GALNTL6: variants seen among roughly 807,000 people sequenced by gnomAD.
GALNTL6 encodes the protein polypeptide N-acetylgalactosaminyltransferase-like 6.
Under a neutral mutation model 73.7 loss-of-function variants are expected in GALNTL6, and 46 were observed. The observed-to-expected ratio is 0.62, with a 90% CI of 0.49 to 0.80. The LOEUF is 0.80. Ranked by LOEUF, GALNTL6 falls within the 30% of genes least tolerant of loss-of-function variation. The pLI is 0.00. For missense variants in GALNTL6, 604 were observed against 755.0 expected (o/e 0.80, Z 2.34); for synonymous variants, 259 against 263.7 (o/e 0.98, Z 0.17).
intron 8 of GALNTL6, among the ~76,000 whole-genome samples, chr4:172,918,249 G>A (rs1480456917): frequency 2.0e-5 from 3 of 151,982 alleles, no homozygotes; most frequent in Non-Finnish European, 2.9e-5. Context: ...TGGGGTGGGG[G>A]GAGGCAAGGG....
intron 5 of GALNTL6, among the ~76,000 whole-genome samples, chr4:172,724,784 G>C (rs777095258): frequency 2.0e-5 from 3 of 152,134 alleles, no homozygotes; most frequent in Non-Finnish European, 4.4e-5. Context: ...AAATGATTCA[G>C]AAACCTGAGA....
chr4:172,895,047 T>C (rs1257056327), intron 8 of GALNTL6, among the ~76,000 whole-genome samples: 1 of 151,766 alleles, frequency 6.6e-6, no homozygotes, highest in East Asian at 1.9e-4. Flanking sequence ...TGGAATAAAT[T>C]TTTTTCATCC....
chr4:172,700,317 A>C (rs1246938661), intron 5 of GALNTL6, among the ~76,000 whole-genome samples: 1 of 152,188 alleles, frequency 6.6e-6, no homozygotes, highest in Non-Finnish European at 1.5e-5. Flanking sequence ...AGATCTCAAC[A>C]AGACAATCTA....
At chr4:172,775,743 G>T (rs1041589680) in intron 5 of GALNTL6, among the ~76,000 whole-genome samples, 4 of 152,064 alleles carry the variant, frequency 2.6e-5, no homozygotes, top group African/African-American at 7.2e-5. Flanking sequence ...AATAGACTAT[G>T]GCAAAGGTGA....
intron 2 of GALNTL6, among the ~76,000 whole-genome samples, chr4:172,112,218 G>A (rs532204286): frequency 1.3e-5 from 2 of 152,004 alleles, no homozygotes; most frequent in East Asian, 3.9e-4. Context: ...ATCTTTTCAT[G>A]GCTTGATAGC....
intron 5 of GALNTL6, among the ~76,000 whole-genome samples, chr4:172,576,333 A>G (rs1736955926): frequency 6.6e-6 from 1 of 152,188 alleles, no homozygotes; most frequent in South Asian, 2.1e-4. Flanking sequence ...CACATTTTAT[A>G]TGTGCTATGA....
chr4:172,800,958 A>G (rs1037965065), intron 5 of GALNTL6, among the ~76,000 whole-genome samples: 2 of 152,182 alleles, frequency 1.3e-5, no homozygotes, highest in Non-Finnish European at 2.9e-5. Flanking sequence ...AATTCTACTC[A>G]GATTACTTCA....
intron 2 of GALNTL6, among the ~76,000 whole-genome samples, chr4:171,973,316 A>G (rs1739625639): frequency 6.6e-6 from 1 of 152,222 alleles, no homozygotes; most frequent in African/African-American, 2.4e-5. Flanking sequence ...GAAGGCCCAA[A>G]ACAATAGAAA....
chr4:172,019,885 C>T (rs1210342618), intron 2 of GALNTL6, among the ~76,000 whole-genome samples: 2 of 152,116 alleles, frequency 1.3e-5, no homozygotes, highest in Non-Finnish European at 2.9e-5. Flanking sequence ...TTCCTCAGCA[C>T]ATGGATCATT....
In GALNTL6 at chr4:172,044,210, G is replaced by A. The variant is rs1742158656; in HGVS notation, c.139-185446G>A. ...ACTCAGTCGCCTAAAATTCCTTCTG[G>A]GCACTTCCTATTAATACAAAGTCAC... On this transcript the variant is annotated intron_variant, in intron 2 of 12. Transcript: ENST00000506823. Among the ~76,000 whole-genome samples the A allele has an allele frequency of 3.3e-5, 5 of 151,148 alleles. No individual in the cohort carries two copies. The South Asian group carries it at 1.0e-3, about 32-fold the overall frequency.
intron 5 of GALNTL6, among the ~76,000 whole-genome samples, chr4:172,529,640 C>CA (rs1449199383): frequency 6.6e-6 from 1 of 151,704 alleles, no homozygotes; most frequent in Non-Finnish European, 1.5e-5. Flanking sequence ...GAAGATGTAG[C>CA]ATAAATGCAA....
At chr4:172,456,620 A>T (rs1246056254) in intron 5 of GALNTL6, among the ~76,000 whole-genome samples, 1 of 151,910 alleles carries the variant, frequency 6.6e-6, no homozygotes, top group Non-Finnish European at 1.5e-5. Flanking sequence ...AGATCAGCTC[A>T]ATGAAATAAA....
chr4:171,898,419 T>C (rs1736989096), intron 2 of GALNTL6, among the ~76,000 whole-genome samples: 1 of 152,128 alleles, frequency 6.6e-6, no homozygotes, highest in Admixed American at 6.5e-5. Flanking sequence ...TCCTTAAAAC[T>C]ATTACCTATA....
intron 5 of GALNTL6, among the ~76,000 whole-genome samples, chr4:172,653,557 CTT>C (rs1400384248): frequency 2.0e-5 from 3 of 152,074 alleles, no homozygotes; most frequent in Non-Finnish European, 4.4e-5. Flanking sequence ...TTTTTCCTCT[CTT>C]TTCCTTGTCT....
chr4:172,802,814 C>T (rs1259032259), intron 5 of GALNTL6, among the ~76,000 whole-genome samples: 2 of 128,530 alleles, frequency 1.6e-5, no homozygotes, highest in African/African-American at 5.2e-5. Context: ...AACAAACAAA[C>T]AACAACAACA....
At chr4:172,124,782 A>G (rs914017313) in intron 2 of GALNTL6, among the ~76,000 whole-genome samples, 4 of 152,182 alleles carry the variant, frequency 2.6e-5, no homozygotes, top group Non-Finnish European at 5.9e-5. Flanking sequence ...AAGACAGTGT[A>G]CAAGGTTATG....
intron 2 of GALNTL6, among the ~76,000 whole-genome samples, chr4:171,952,553 C>T (rs912653475): frequency 5.9e-5 from 9 of 151,858 alleles, no homozygotes; most frequent in African/African-American, 2.2e-4. Flanking sequence ...TTTAGGGATG[C>T]TGTTTAACAT....
At chr4:172,605,034 C>A (rs1324988274) in intron 5 of GALNTL6, among the ~76,000 whole-genome samples, 1 of 152,118 alleles carries the variant, frequency 6.6e-6, no homozygotes, top group East Asian at 1.9e-4. Flanking sequence ...ACTGTGAAAG[C>A]ACAGATATTA....
chr4:172,570,511 G>A (rs1277257814), intron 5 of GALNTL6, among the ~76,000 whole-genome samples: 1 of 152,150 alleles, frequency 6.6e-6, no homozygotes. Context: ...AAGCTAAGGA[G>A]AGAGTTCTTC....
Sources: gnomAD v4.1 joint callset for allele counts (sites outside exome capture counted in the v4.1 genomes callset) on GRCh38, gnomAD v4.1.1 for gene constraint, MANE v1.5 for transcripts, NCBI Gene and HGNC (gene_info 2026-07-23, HGNC 2026-07-21) for gene names.